The following COL4A2 variants were observed in gnomAD, a reference collection of about 807,000 sequenced individuals.
The protein encoded by COL4A2 is collagen type IV alpha 2 chain.
In COL4A2, 99 loss-of-function variants were observed where a neutral mutation model predicts 200.2. That is an observed-to-expected ratio of 0.49 (90% confidence interval 0.42 to 0.58). The LOEUF (loss-of-function observed/expected upper bound fraction) is 0.58, where lower values mean the gene tolerates loss of function less well. Ranked by LOEUF, COL4A2 falls within the 20% of genes least tolerant of loss-of-function variation. The pLI is 0.00. For synonymous variants in COL4A2, 897 were observed against 900.6 expected (o/e 1.00, Z 0.07); for missense variants, 1,950 against 2,314.1 (o/e 0.84, Z 3.23).
At chr13:110,356,557 C>T (rs1877274726) in intron 3 of COL4A2, among the ~76,000 whole-genome samples, 1 of 152,210 alleles carries the variant, frequency 6.6e-6, no homozygotes, top group Non-Finnish European at 1.5e-5. Flanking sequence ...CTCCTGCCCA[C>T]CTCTCTGGGT....
chr13:110,464,831 C>T (rs1247471009), intron 24 of COL4A2, among the ~76,000 whole-genome samples: 1 of 152,148 alleles, frequency 6.6e-6, no homozygotes, highest in African/African-American at 2.4e-5. Context: ...TGCCAGCCTC[C>T]CCACCCCATC....
intron 6 of COL4A2, among the ~76,000 whole-genome samples, chr13:110,427,624 A>C (rs1566527171): frequency 6.6e-6 from 1 of 152,242 alleles, no homozygotes; most frequent in Non-Finnish European, 1.5e-5. Flanking sequence ...TTGTTTAAAG[A>C]AACAGCAAAA....
At chr13:110,368,728 C>G (rs1174890156) in intron 4 of COL4A2, among the ~76,000 whole-genome samples, 3 of 151,414 alleles carry the variant, frequency 2.0e-5, no homozygotes, top group Non-Finnish European at 4.4e-5. Flanking sequence ...CCAGTATTGT[C>G]AAGAAGCATC....
chr13:110,411,719 T>C (rs1487997864), intron 4 of COL4A2, among the ~76,000 whole-genome samples: 1 of 152,218 alleles, frequency 6.6e-6, no homozygotes, highest in Admixed American at 6.5e-5. Flanking sequence ...TTTGGCTTAA[T>C]TATCGCTTCA....
At position 110,512,358 on chromosome 13, in the gene COL4A2, G is replaced by A; in HGVS notation, c.*167G>A. 3.3e-6 allele frequency: 4 copies of A among 1,213,580 alleles called. No individual in the cohort carries two copies. Among genetic ancestry groups the A allele is most frequent in the South Asian group, 3.3e-5 (2 of 61,068 alleles). 75.2% of individuals were successfully genotyped at this position (1,213,580 alleles called of 1,614,324 possible). ...CCTGCCAGCCACTGTCACCGAGCGG[G>A]TGCAAGCACTCGGGGTCCCTGGAGG... On this transcript the variant is annotated 3_prime_UTR_variant, in exon 48 of 48. Coordinates refer to ENST00000360467, the MANE Select transcript of COL4A2 (RefSeq NM_001846.4).
intron 20 of COL4A2, among the ~76,000 whole-genome samples, chr13:110,454,858 C>T (rs2139486245): frequency 6.6e-6 from 1 of 152,280 alleles, no homozygotes; most frequent in African/African-American, 2.4e-5. Flanking sequence ...GCACGTGTCT[C>T]ACAAATGCCT....
At position 110,504,229 on chromosome 13, in the gene COL4A2, G is replaced by A; in HGVS notation, c.4367G>A (p.Gly1456Glu). ...GTTCCCGGCTTCCGGGGAGATGAAG[G>A]ACCCATAGGCCACCAGGGGCCGATT... ...SAVPGFRGDE[G>E]PIGHQGPIGQ... The change falls in exon 45 of 48, where the codon GGA becomes GAA. Residue 1456 changes from glycine (G) to glutamate (E), a missense_variant. This residue lies in a region of COL4A2 where 1,385 missense variants were observed against 1,720.5 expected (regional missense o/e 0.80). Coordinates refer to ENST00000360467, the MANE Select transcript of COL4A2 (RefSeq NM_001846.4). 4 of 1,614,084 alleles carry A rather than the reference G, an allele frequency of 2.5e-6. No individual in the cohort carries two copies. Among genetic ancestry groups the A allele is most frequent in the Non-Finnish European group, 3.4e-6 (4 of 1,180,030 alleles).
chr13:110,439,127 G>A (rs1010728940), intron 15 of COL4A2, among the ~76,000 whole-genome samples: 1 of 152,142 alleles, frequency 6.6e-6, no homozygotes, highest in Non-Finnish European at 1.5e-5. Flanking sequence ...CAGCCACCTG[G>A]GAGACAGACC....
chr13:110,424,704 G>A lies in COL4A2; in HGVS notation c.181-30G>A, dbSNP rs371144381. The stretch of plus-strand genomic sequence containing the variant: ...TCATGAGTATGTATTGTGATTAATC[G>A]TGGAAATTGAACCTTTGTTGTTCCC... On this transcript the variant is annotated intron_variant, in intron 4 of 47. Coordinates refer to ENST00000360467, the MANE Select transcript of COL4A2 (RefSeq NM_001846.4). 1.9e-5 allele frequency: 29 copies of A among 1,507,146 alleles called. No individual in the cohort carries two copies. The Admixed American group carries it at 2.5e-4, about 13-fold the overall frequency. 93.4% of individuals were successfully genotyped at this position (1,507,146 alleles called of 1,614,324 possible).
chr13:110,503,390 G>C lies in COL4A2; in HGVS notation c.4047G>C (p.Arg1349Ser). ...VFGLPGEKGP[R>S]GEQGFMGNTG... ...GTCTTGTTTGTGTTGCAGGGCCCAGGGGTGAACAAGGCTTCATGGGGAACA... is the reference window on the plus strand; with the variant it reads ...GTCTTGTTTGTGTTGCAGGGCCCAGCGGTGAACAAGGCTTCATGGGGAACA... Residue 1349 changes from arginine to serine, a missense_variant, in exon 43 of 48, where the codon AGG (arginine) becomes AGC (serine). Transcript: ENST00000360467. 1 of 1,599,148 alleles carries C rather than the reference G, an allele frequency of 6.3e-7. No individual in the cohort carries two copies.
At chr13:110,485,089 C>T in intron 33 of COL4A2, 62 bp downstream of exon 33, 7 of 1,429,694 alleles carry the variant, frequency 4.9e-6, no homozygotes, top group Middle Eastern at 2.1e-4. Context: ...CGCACCAGCT[C>T]GTGCCCTTCT....
chr13:110,487,160 GAA>G, intron 34 of COL4A2, among the ~76,000 whole-genome samples: 1 of 152,304 alleles, frequency 6.6e-6, no homozygotes, highest in South Asian at 2.1e-4. Flanking sequence ...CTTTAAAAAA[GAA>G]AGATGCCAGC....
intron 4 of COL4A2, among the ~76,000 whole-genome samples, chr13:110,409,972 C>T (rs974377831): frequency 1.3e-5 from 2 of 152,292 alleles, no homozygotes; most frequent in Non-Finnish European, 2.9e-5. Context: ...ATGCTAGGGC[C>T]ATCAGGTGGC....
rs1686711764 is a variant in COL4A2, at chr13:110,501,150, AAC to A, written c.3761-514_3761-513del. 6.6e-5 allele frequency among the ~76,000 whole-genome samples: 10 copies of A among 152,330 alleles called. No homozygotes were observed. The South Asian group carries it at 2.1e-3, about 32-fold the overall frequency. On this transcript the variant is annotated intron_variant, in intron 40 of 47. Transcript: ENST00000360467. ...GTTTTAGTGAGTGGACAAATTGGGAAACACAGAATCTGTGAATAATGAAGACC... is the reference window on the plus strand; with the variant it reads ...GTTTTAGTGAGTGGACAAATTGGGAAACAGAATCTGTGAATAATGAAGACC...
At chr13:110,317,660 A>G (rs1000329212) in intron 3 of COL4A2, among the ~76,000 whole-genome samples, 1 of 152,156 alleles carries the variant, frequency 6.6e-6, no homozygotes, top group African/African-American at 2.4e-5. Flanking sequence ...GGACAATTTC[A>G]CCTGCAGAAC....
At chr13:110,367,928 T>G (rs186986707) in intron 4 of COL4A2, among the ~76,000 whole-genome samples, 4 of 152,308 alleles carry the variant, frequency 2.6e-5, no homozygotes, top group Admixed American at 2.6e-4. Flanking sequence ...GCCATACCAT[T>G]GCAACCTAAA....
chr13:110,474,725 G>A (rs1159318032), intron 29 of COL4A2, among the ~76,000 whole-genome samples: 2 of 105,994 alleles, frequency 1.9e-5, no homozygotes, highest in Admixed American at 1.0e-4. Flanking sequence ...GATCACACAC[G>A]CACGTACCCA....
Position 110,469,900 on chromosome 13 carries a change from A to T in COL4A2, c.2203+576A>T, listed in dbSNP as rs189064447. ...GGCACTGCCTTGATTGCAGGGGCAT[A>T]CACGTCTTTTTTTTTTTTTTTTTTT... On this transcript the variant is annotated intron_variant, in intron 28 of 47. Coordinates refer to ENST00000360467, the MANE Select transcript of COL4A2 (RefSeq NM_001846.4). Among the ~76,000 whole-genome samples, 670 of 126,586 alleles carry T rather than the reference A, an allele frequency of 5.3e-3. 1 individual carries two copies. The highest frequency in any genetic ancestry group is 7.7e-3 in the Admixed American group (89 of 11,578). 83.0% of individuals were successfully genotyped at this position (126,586 alleles called of 152,430 possible).
At chr13:110,495,818 C>T (rs942387238) in intron 40 of COL4A2, among the ~76,000 whole-genome samples, 2 of 152,164 alleles carry the variant, frequency 1.3e-5, no homozygotes, top group Admixed American at 6.5e-5. Flanking sequence ...ATGCATTAAA[C>T]CTCCTAGCAG....
Sources: gnomAD v4.1 joint callset for allele counts (sites outside exome capture counted in the v4.1 genomes callset) on GRCh38, gnomAD v4.1.1 for gene constraint, gnomAD v4.1.1 regional missense constraint, MANE v1.5 for transcripts, NCBI Gene and HGNC (gene_info 2026-07-23, HGNC 2026-07-21) for gene names.